SUCLA2: variants seen among roughly 807,000 people sequenced by gnomAD.
The protein encoded by SUCLA2 is succinate-CoA ligase ADP-forming subunit beta, also known as succinate--CoA ligase [ADP-forming] subunit beta, mitochondrial.
SUCLA2 carries 30 observed loss-of-function variants against 54.8 expected under a neutral mutation model. That is an observed-to-expected ratio of 0.55 (90% CI 0.41 to 0.74). The LOEUF (loss-of-function observed/expected upper bound fraction) is 0.74. Among genes scored for constraint, SUCLA2 ranks in the 30% least tolerant of loss-of-function variants. SUCLA2 has a pLI of 0.00. For synonymous variants in SUCLA2, 172 were observed against 188.9 expected (o/e 0.91, Z 0.74); for missense variants, 476 against 562.9 (o/e 0.85, Z 1.56).
At chr13:47,961,771 C>T (rs1410736261) in intron 6 of SUCLA2, among the ~76,000 whole-genome samples, 1 of 152,150 alleles carries the variant, frequency 6.6e-6, no homozygotes, top group Non-Finnish European at 1.5e-5. Context: ...TTGTATGCCA[C>T]ACAAGTAACC....
intron 6 of SUCLA2, among the ~76,000 whole-genome samples, chr13:47,965,917 G>A (rs1387576758): frequency 6.6e-6 from 1 of 152,108 alleles, no homozygotes; most frequent in African/African-American, 2.4e-5. Context: ...ATGCGGTGGT[G>A]AGCACCTGTA....
At chr13:47,959,343 T>C (rs1334573452) in intron 6 of SUCLA2, among the ~76,000 whole-genome samples, 2 of 86,754 alleles carry the variant, frequency 2.3e-5, no homozygotes, top group Non-Finnish European at 4.5e-5. Flanking sequence ...GATAATAATT[T>C]TGTATGTGAA....
intron 6 of SUCLA2, among the ~76,000 whole-genome samples, chr13:47,964,252 A>T (rs563495341): frequency 6.7e-6 from 1 of 148,788 alleles, no homozygotes; most frequent in Admixed American, 6.7e-5. Flanking sequence ...TTCTCAAAAT[A>T]AAAAAAAAAC....
chr13:47,989,055 T>C (rs1566091763), intron 2 of SUCLA2, 74 bp from the exon 3 acceptor site: 1 of 1,387,410 alleles, frequency 7.2e-7, no homozygotes, highest in Non-Finnish European at 1.0e-6. Flanking sequence ...TTATTTAACA[T>C]ACATATTGAC....
intron 2 of SUCLA2, among the ~76,000 whole-genome samples, chr13:47,990,756 G>A (rs1950143717): frequency 6.6e-6 from 1 of 152,162 alleles, no homozygotes; most frequent in African/African-American, 2.4e-5. Context: ...TTATCAAGCA[G>A]AATGAGAGGA....
chr13:47,973,452 T>C, intron 4 of SUCLA2, 60 bp from the exon 5 acceptor site: 1 of 1,579,866 alleles, frequency 6.3e-7, no homozygotes, highest in Admixed American at 1.7e-5. Flanking sequence ...CAATGAAACT[T>C]TAAAACCTAC....
chr13:47,974,515 A>C (rs1206111082), intron 4 of SUCLA2, among the ~76,000 whole-genome samples: 1 of 152,156 alleles, frequency 6.6e-6, no homozygotes, highest in Non-Finnish European at 1.5e-5. Flanking sequence ...TGAGACTGAG[A>C]GATCAAGGCT....
At chr13:47,950,035 C>A (rs1028050645) in intron 8 of SUCLA2, among the ~76,000 whole-genome samples, 1 of 152,206 alleles carries the variant, frequency 6.6e-6, no homozygotes, top group Non-Finnish European at 1.5e-5. Context: ...AAGAGTAACA[C>A]CATCCTGAAG....
intron 4 of SUCLA2, among the ~76,000 whole-genome samples, chr13:47,983,163 C>G (rs1174244075): frequency 6.6e-6 from 1 of 151,992 alleles, no homozygotes; most frequent in African/African-American, 2.4e-5. Flanking sequence ...CCTTCTGAGG[C>G]TAAAGAAGAG....
intron 5 of SUCLA2, chr13:47,972,117 T>G: frequency 2.9e-6 from 1 of 342,688 alleles, no homozygotes; most frequent in East Asian, 4.2e-5. Flanking sequence ...TAGCCGGGCA[T>G]GGTGACGTGC....
chr13:47,963,016 T>G (rs148439136), intron 6 of SUCLA2, among the ~76,000 whole-genome samples: 40 of 150,466 alleles, frequency 2.7e-4, no homozygotes, highest in African/African-American at 9.5e-4. Context: ...TCTTACACAT[T>G]GTTACGTTTC....
chr13:47,994,038 A>C (rs1950171637), intron 2 of SUCLA2, among the ~76,000 whole-genome samples: 1 of 147,598 alleles, frequency 6.8e-6, no homozygotes, highest in South Asian at 2.2e-4. Flanking sequence ...AGCCTGGGCA[A>C]CAAGAACGAA....
At chr13:47,982,647 A>G (rs890983545) in intron 4 of SUCLA2, among the ~76,000 whole-genome samples, 3 of 151,932 alleles carry the variant, frequency 2.0e-5, no homozygotes. Flanking sequence ...TCTTTCTGAG[A>G]ATGCACTATT....
rs150191407 is a variant in SUCLA2 at position 47,954,508 on chromosome 13, G to A, written c.852C>T (p.Arg284=). The A allele has an allele frequency of 1.7e-5, 27 of 1,613,804 alleles. No homozygotes were observed. The African/African-American group carries it at 3.1e-4, about 18-fold the overall frequency. Residue 284 remains arginine, a synonymous_variant, in exon 7 of 11, where the codon CGC becomes CGT. Transcript: ENST00000646932. ...KINFDSNSAY[R]QKKIFDLQDW... ...CCTGTAGATCAAAGATTTTCTTTTG[G>A]CGATAGGCTGAATTAGAGTCAAAAT... is the stretch of plus-strand genomic sequence containing the variant.
chr13:47,960,718 A>G (rs1038701729), intron 6 of SUCLA2, among the ~76,000 whole-genome samples: 1 of 151,852 alleles, frequency 6.6e-6, no homozygotes, highest in Non-Finnish European at 1.5e-5. Context: ...AAAAAAAAAG[A>G]GAGACTTTCT....
rs1401447607 is a variant in SUCLA2, at chr13:47,993,461, A to T, written c.271+3382T>A. Among the ~76,000 whole-genome samples the T allele has an allele frequency of 6.6e-5, 10 of 152,330 alleles. No homozygotes were observed. In the East Asian group the frequency reaches 1.9e-3, roughly 29 times the overall value. ...TAGTCTTTTAAAATATTAGAATTAG[A>T]TTTCTTTCTAACCATTCCTCCATTC... On this transcript the variant is annotated intron_variant, in intron 2 of 10. Coordinates refer to ENST00000646932, the MANE Select transcript of SUCLA2 (RefSeq NM_003850.3).
intron 2 of SUCLA2, chr13:47,991,432 T>G (rs1950148220): frequency 6.6e-6 from 1 of 152,174 alleles, no homozygotes; most frequent in Non-Finnish European, 1.5e-5. Context: ...CCTTCAAGTT[T>G]CTCTTTAAAT....
chr13:47,966,973 T>C (rs1160575973), intron 6 of SUCLA2, among the ~76,000 whole-genome samples: 1 of 152,190 alleles, frequency 6.6e-6, no homozygotes, highest in Admixed American at 6.5e-5. Context: ...TGAGCTGTGA[T>C]TGTGTCAGCG....
chr13:47,982,777 T>C (rs577313183), intron 4 of SUCLA2, among the ~76,000 whole-genome samples: 1 of 152,194 alleles, frequency 6.6e-6, no homozygotes, highest in African/African-American at 2.4e-5. Flanking sequence ...TTCTGCATAC[T>C]GCCACACATT....
Sources: gnomAD v4.1 joint callset for allele counts (sites outside exome capture counted in the v4.1 genomes callset) on GRCh38, gnomAD v4.1.1 for gene constraint, MANE v1.5 for transcripts, NCBI Gene and HGNC (gene_info 2026-07-23, HGNC 2026-07-21) for gene names.